RUNX3: variants seen among roughly 807,000 people sequenced by gnomAD.
The protein encoded by RUNX3 is runt-related transcription factor 3.
A neutral mutation model predicts 27.7 loss-of-function variants in RUNX3; 10 were observed. The observed-to-expected ratio is 0.36, with a 90% CI of 0.22 to 0.61. RUNX3 has a LOEUF of 0.61. RUNX3 is among the 20% of genes least tolerant of loss of function. RUNX3 has a pLI of 0.72. For synonymous variants in RUNX3, 270 were observed against 269.2 expected (o/e 1.00, Z -0.03); for missense variants, 469 against 629.5 (o/e 0.75, Z 2.73).
intron 2 of RUNX3, among the ~76,000 whole-genome samples, chr1:24,958,386 C>G (rs1241742407): frequency 6.6e-6 from 1 of 152,204 alleles, no homozygotes; most frequent in Admixed American, 6.5e-5. Context: ...TTTCCTGCTG[C>G]TGAATTCAAT....
At chr1:24,940,555 G>A (rs1460742702) in intron 2 of RUNX3, among the ~76,000 whole-genome samples, 1 of 152,144 alleles carries the variant, frequency 6.6e-6, no homozygotes, top group Non-Finnish European at 1.5e-5. Flanking sequence ...AATAGAAAAT[G>A]ACATTGAAGG....
intron 1 of RUNX3, chr1:24,929,113 T>C (rs766720441): frequency 8.7e-6 from 4 of 460,002 alleles, no homozygotes; most frequent in South Asian, 6.2e-5. Flanking sequence ...CGCCGTCCGG[T>C]AAAATTTCGG....
At chr1:24,941,424 C>A (rs954246615) in intron 2 of RUNX3, among the ~76,000 whole-genome samples, 19 of 152,346 alleles carry the variant, frequency 1.2e-4, no homozygotes, top group African/African-American at 4.3e-4. Flanking sequence ...TGTACACTCA[C>A]ACATGCTGTT....
intron 2 of RUNX3, among the ~76,000 whole-genome samples, chr1:24,954,950 C>A (rs545738132): frequency 1.8e-4 from 27 of 152,276 alleles, no homozygotes; most frequent in Non-Finnish European, 2.8e-4. Context: ...AGCCCTGTGT[C>A]CTGAAGCCAT....
rs1640895943 is a variant in RUNX3, at chr1:24,916,706, G to C, written c.544+2534C>G. On this transcript the variant is annotated intron_variant, in intron 3 of 4. Coordinates refer to ENST00000308873, the MANE Select transcript of RUNX3 (RefSeq NM_004350.3). This position sits in a 1 kb window ranked among gnomAD's most constrained non-coding sequence, Gnocchi z 4.8. ...CCAGGATATGCCAGGGACAGGAACA[G>C]GCAGGTCCTAAGGATGGGGGACCTA... Among the ~76,000 whole-genome samples the C allele has an allele frequency of 6.6e-6, 1 of 152,162 alleles. No homozygotes were observed. Among genetic ancestry groups the C allele is most frequent in the Non-Finnish European group, 1.5e-5 (1 of 68,018 alleles).
At chr1:24,950,945 C>T (rs1315619706) in intron 2 of RUNX3, among the ~76,000 whole-genome samples, 5 of 152,020 alleles carry the variant, frequency 3.3e-5, no homozygotes, top group Non-Finnish European at 5.9e-5. Flanking sequence ...TGGTGGCTCA[C>T]GCCTGTAATC....
At chr1:24,939,259 T>A (rs1324828150) in intron 2 of RUNX3, among the ~76,000 whole-genome samples, 1 of 152,138 alleles carries the variant, frequency 6.6e-6, no homozygotes, top group Non-Finnish European at 1.5e-5. Flanking sequence ...GCACCCACGC[T>A]CATGGGCACA....
intron 3 of RUNX3, among the ~76,000 whole-genome samples, chr1:24,918,792 G>A (rs1222138856): frequency 6.6e-6 from 1 of 152,160 alleles, no homozygotes; most frequent in Non-Finnish European, 1.5e-5. Flanking sequence ...AAGATTCAAA[G>A]ACTCAGTTTC....
intron 2 of RUNX3, among the ~76,000 whole-genome samples, chr1:24,949,266 TC>T (rs1641696419): frequency 6.6e-6 from 1 of 152,018 alleles, no homozygotes; most frequent in South Asian, 2.1e-4. Flanking sequence ...AGGTTAAATA[TC>T]CCCCTCAGGG....
In RUNX3 at chr1:24,900,162, A is replaced by G. The variant is rs1399818964; in HGVS notation, c.*1960T>C. On this transcript the variant is annotated 3_prime_UTR_variant, in exon 5 of 5. Coordinates refer to ENST00000308873, the MANE Select transcript of RUNX3 (RefSeq NM_004350.3). ...ATTCATAGCTGCTTCCTAAGAAGGC[A>G]TGGAGAGGCCCCTTGGGTGCAGGGA... is the stretch of plus-strand genomic sequence containing the variant. 5.2e-5 allele frequency: 8 copies of G among 152,392 alleles called. No individual in the cohort carries two copies. Among genetic ancestry groups the G allele is most frequent in the African/African-American group, 9.6e-5 (4 of 41,482 alleles). 9.4% of individuals were successfully genotyped at this position (152,392 alleles called of 1,614,324 possible).
chr1:24,908,133 T>TGATCCGAACCTCTAC (rs1640714024), intron 3 of RUNX3, among the ~76,000 whole-genome samples: 2 of 84,502 alleles, frequency 2.4e-5, no homozygotes, highest in Non-Finnish European at 4.9e-5. Flanking sequence ...CAAACCTCTA[T>TGATCCGAACCTCTAC]GACACGCGGT....
chr1:24,935,430 A>C (rs950041077), intron 2 of RUNX3, among the ~76,000 whole-genome samples: 30 of 152,118 alleles, frequency 2.0e-4, no homozygotes, highest in Admixed American at 1.9e-3. Flanking sequence ...TTGCGTCCAC[A>C]TGACCTCGGA....
chr1:24,947,413 C>T (rs1037561698), intron 2 of RUNX3, among the ~76,000 whole-genome samples: 18 of 152,318 alleles, frequency 1.2e-4, no homozygotes, highest in African/African-American at 3.8e-4. Context: ...GAGACAGCCT[C>T]CTAGGCCTGT....
chr1:24,922,312 C>A (rs1482801338), intron 2 of RUNX3, among the ~76,000 whole-genome samples: 1 of 151,822 alleles, frequency 6.6e-6, no homozygotes, highest in Non-Finnish European at 1.5e-5. Context: ...TAAACCACTA[C>A]ACCTGGAAGG....
At position 24,937,929 on chromosome 1, in the gene RUNX3, C is replaced by G. The variant is rs532234447; in HGVS notation, c.59-8077G>C. Among the ~76,000 whole-genome samples the G allele has an allele frequency of 2.6e-5, 4 of 152,342 alleles. No homozygotes were observed. The East Asian group carries it at 5.8e-4, about 22-fold the overall frequency. On this transcript the variant is annotated intron_variant, in intron 2 of 6. Coordinates refer to the RUNX3 transcript ENST00000338888. ...GGAGCCCTACCCTGTCCCCCTCCCC[C>G]ACAGCTCTCCATTCTAAACATCTGG...
chr1:24,903,094 T>C (rs1640598627), intron 4 of RUNX3, among the ~76,000 whole-genome samples: 1 of 152,110 alleles, frequency 6.6e-6, no homozygotes, highest in Non-Finnish European at 1.5e-5. Context: ...AGGCCGTGGA[T>C]GTGTAAAGGG....
intron 2 of RUNX3, among the ~76,000 whole-genome samples, chr1:24,945,004 A>G (rs1395254608): frequency 1.3e-5 from 2 of 152,202 alleles, no homozygotes; most frequent in East Asian, 1.9e-4. Context: ...TCCTCAGCAC[A>G]TTTATTAGTG....
intron 4 of RUNX3, among the ~76,000 whole-genome samples, chr1:24,906,164 G>A (rs1175055175): frequency 2.6e-5 from 4 of 152,230 alleles, no homozygotes; most frequent in African/African-American, 9.6e-5. Context: ...CACCGGAAAA[G>A]GGGGTGGGGC....
rs532603820 is a variant in RUNX3 at position 24,945,320 on chromosome 1, A to G, written c.59-15468T>C. Among the ~76,000 whole-genome samples the G allele has an allele frequency of 1.7e-4, 26 of 152,364 alleles. 1 individual carries two copies. The highest frequency in any genetic ancestry group is 2.6e-4 in the Admixed American group (4 of 15,308). ...CACATAAAACCATTCCTGGGTATGT[A>G]TTAGGATCTCAATAAATGTCTGTTG... On this transcript the variant is annotated intron_variant, in intron 2 of 6. Coordinates refer to the RUNX3 transcript ENST00000338888.
Sources: gnomAD v4.1 joint callset for allele counts (sites outside exome capture counted in the v4.1 genomes callset) on GRCh38, gnomAD v4.1.1 for gene constraint, Gnocchi (gnomAD v3.1) non-coding constraint, MANE v1.5 for transcripts, NCBI Gene and HGNC (gene_info 2026-07-23, HGNC 2026-07-21) for gene names.